CNTNAP2: variants seen among roughly 807,000 people sequenced by gnomAD.
CNTNAP2 encodes the protein contactin associated protein 2, also known as contactin-associated protein-like 2.
In CNTNAP2, 98 loss-of-function variants were observed where a neutral mutation model predicts 155.2. The observed-to-expected ratio is 0.63, with a 90% CI of 0.54 to 0.75. The LOEUF (loss-of-function observed/expected upper bound fraction) is 0.75. Ranked by LOEUF, CNTNAP2 falls within the 30% of genes least tolerant of loss-of-function variation. The pLI is 0.00. For synonymous variants in CNTNAP2, 651 were observed against 631.2 expected, an observed-to-expected ratio of 1.03 and a Z score of -0.47; for missense variants, 1,727 against 1,688.1, an observed-to-expected ratio of 1.02 and a Z score of -0.40.
At chr7:147,835,139 A>G (rs1272492688) in intron 13 of CNTNAP2, among the ~76,000 whole-genome samples, 1 of 152,182 alleles carries the variant, frequency 6.6e-6, no homozygotes, top group East Asian at 1.9e-4. Flanking sequence ...CTATGCAAGG[A>G]CTTGGAGTAG....
intron 13 of CNTNAP2, among the ~76,000 whole-genome samples, chr7:147,708,372 G>A (rs1483042800): frequency 3.3e-5 from 5 of 152,158 alleles, no homozygotes; most frequent in Non-Finnish European, 7.4e-5. Context: ...GCCATGACAT[G>A]CATTGGCTGC....
intron 1 of CNTNAP2, among the ~76,000 whole-genome samples, chr7:146,469,326 C>T (rs540095550): frequency 5.9e-5 from 9 of 151,898 alleles, no homozygotes; most frequent in African/African-American, 1.9e-4. Context: ...CACATCATCT[C>T]GGTCCCAGAG....
intron 15 of CNTNAP2, among the ~76,000 whole-genome samples, chr7:148,002,478 G>A (rs1221167910): frequency 6.6e-6 from 1 of 152,044 alleles, no homozygotes; most frequent in African/African-American, 2.4e-5. Context: ...ACCCTCTGAA[G>A]GCTATATGTA....
chr7:148,145,108 G>A (rs1326144199), intron 16 of CNTNAP2, among the ~76,000 whole-genome samples: 2 of 152,154 alleles, frequency 1.3e-5, no homozygotes, highest in Admixed American at 6.5e-5. Flanking sequence ...AGGAAGCAAC[G>A]GAAGGGGTGT....
intron 9 of CNTNAP2, among the ~76,000 whole-genome samples, chr7:147,326,675 A>G (rs998056299): frequency 6.6e-6 from 1 of 152,184 alleles, no homozygotes; most frequent in Non-Finnish European, 1.5e-5. Flanking sequence ...ATTGTTCCAC[A>G]TCCTTGCCAA....
At chr7:147,796,765 G>A (rs1227358748) in intron 13 of CNTNAP2, among the ~76,000 whole-genome samples, 1 of 152,172 alleles carries the variant, frequency 6.6e-6, no homozygotes, top group Non-Finnish European at 1.5e-5. Flanking sequence ...TGGGGTGACT[G>A]GAGTCGAGAC....
At chr7:146,813,084 G>A (rs1803097401) in intron 2 of CNTNAP2, among the ~76,000 whole-genome samples, 1 of 152,166 alleles carries the variant, frequency 6.6e-6, no homozygotes, top group Non-Finnish European at 1.5e-5. Flanking sequence ...CTGCAGGGGT[G>A]GAGCAGTCAT....
intron 20 of CNTNAP2, among the ~76,000 whole-genome samples, chr7:148,230,150 T>G (rs1162802768): frequency 6.6e-6 from 1 of 152,220 alleles, no homozygotes; most frequent in African/African-American, 2.4e-5. Context: ...TATTTTGGTT[T>G]CTCCGACCTA....
intron 15 of CNTNAP2, among the ~76,000 whole-genome samples, chr7:148,015,255 A>C (rs1462661949): frequency 6.6e-6 from 1 of 152,170 alleles, no homozygotes; most frequent in Admixed American, 6.5e-5. Flanking sequence ...TTTGCTGCTA[A>C]AGAGCTTTAA....
chr7:147,798,995 C>T (rs1797946541), intron 13 of CNTNAP2, among the ~76,000 whole-genome samples: 1 of 152,186 alleles, frequency 6.6e-6, no homozygotes, highest in African/African-American at 2.4e-5. Flanking sequence ...CTTGCTGAAG[C>T]TCACCTTCTC....
At chr7:146,245,701 G>A (rs917896245) in intron 1 of CNTNAP2, among the ~76,000 whole-genome samples, 2 of 152,120 alleles carry the variant, frequency 1.3e-5, no homozygotes, top group African/African-American at 2.4e-5. Context: ...GGTAACAGAT[G>A]AGGATGAAGT....
At chr7:148,176,367 A>G (rs1585168888) in intron 18 of CNTNAP2, among the ~76,000 whole-genome samples, 1 of 151,740 alleles carries the variant, frequency 6.6e-6, no homozygotes, top group Admixed American at 6.6e-5. Flanking sequence ...GATTACAGGC[A>G]CCCATCACCA....
chr7:146,539,125 T>C (rs1797913215), intron 1 of CNTNAP2, among the ~76,000 whole-genome samples: 2 of 152,084 alleles, frequency 1.3e-5, no homozygotes, highest in Admixed American at 1.3e-4. Flanking sequence ...AATATTTCCC[T>C]TTACTATAGA....
chr7:148,002,355 G>A (rs1003071093), intron 15 of CNTNAP2, among the ~76,000 whole-genome samples: 2 of 151,966 alleles, frequency 1.3e-5, no homozygotes, highest in Non-Finnish European at 2.9e-5. Flanking sequence ...GCATTTCAAT[G>A]GCTCTTTACC....
At position 146,797,009 on chromosome 7, in the gene CNTNAP2, G is replaced by A. The variant is rs374319515; in HGVS notation, c.208+22628G>A. ...AACTTAGCCAGGCATGGTGGCGGGCGCCTGTAGTCCCAGCTACTCTGGTGG... is the reference window on the plus strand; with the variant it reads ...AACTTAGCCAGGCATGGTGGCGGGCACCTGTAGTCCCAGCTACTCTGGTGG... On this transcript the variant is annotated intron_variant, in intron 2 of 23. Coordinates refer to ENST00000361727, the MANE Select transcript of CNTNAP2 (RefSeq NM_014141.6). 1.1e-4 allele frequency among the ~76,000 whole-genome samples: 17 copies of A among 152,194 alleles called. No individual in the cohort carries two copies. The South Asian group carries it at 2.1e-3, about 19-fold the overall frequency.
intron 1 of CNTNAP2, among the ~76,000 whole-genome samples, chr7:146,244,814 ACT>A (rs1563005157): frequency 6.6e-6 from 1 of 151,934 alleles, no homozygotes; most frequent in African/African-American, 2.4e-5. Context: ...GTAGGAAAGG[ACT>A]CTACCTATCC....
At chr7:146,164,848 G>T (rs6964208) in intron 1 of CNTNAP2, among the ~76,000 whole-genome samples, 2,323 of 152,186 alleles carry the variant, frequency 0.015, 51 homozygotes, top group African/African-American at 0.052. Context: ...CTTTCTGGGA[G>T]TTCTTTGAGG....
intron 9 of CNTNAP2, among the ~76,000 whole-genome samples, chr7:147,356,758 A>G (rs1427545095): frequency 6.6e-6 from 1 of 152,072 alleles, no homozygotes; most frequent in East Asian, 1.9e-4. Flanking sequence ...CCATTTTTTC[A>G]TGAGGGAAAA....
chr7:148,153,511 G>A (rs1348499454), intron 17 of CNTNAP2, among the ~76,000 whole-genome samples: 1 of 152,164 alleles, frequency 6.6e-6, no homozygotes, highest in Non-Finnish European at 1.5e-5. Context: ...GAGCTCCCTG[G>A]ATGGCCCAGC....
Sources: allele counts gnomAD v4.1 joint callset (sites outside exome capture counted in the v4.1 genomes callset), GRCh38; gene constraint gnomAD v4.1.1; transcripts MANE v1.5; gene names NCBI Gene and HGNC (gene_info 2026-07-23, HGNC 2026-07-21).